The following GPD2 variants were observed in gnomAD, a reference collection of about 807,000 sequenced individuals.
GPD2 encodes the protein glycerol-3-phosphate dehydrogenase, mitochondrial.
A neutral mutation model predicts 82.4 loss-of-function variants in GPD2; 54 were observed. The ratio of observed to expected loss-of-function variants is 0.66; its 90% CI spans 0.53 to 0.82. The LOEUF (loss-of-function observed/expected upper bound fraction) is 0.82, where lower values mean the gene tolerates loss of function less well. Ranked by LOEUF, GPD2 falls within the 40% of genes least tolerant of loss-of-function variation. The pLI, the probability that GPD2 is intolerant of heterozygous loss-of-function variation, is 0.00. For synonymous variants in GPD2, 288 were observed against 306.1 expected (o/e 0.94, Z 0.62); for missense variants, 748 against 896.2 (o/e 0.83, Z 2.11).
the GPD2 span, among the ~76,000 whole-genome samples, chr2:156,416,604 G>T: frequency 6.7e-6 from 1 of 148,676 alleles, no homozygotes. Flanking sequence ...CTCAAGCAAT[G>T]CTCCCACCTT....
At chr2:156,487,813 A>G (rs1684002552) in intron 2 of GPD2, among the ~76,000 whole-genome samples, 1 of 152,210 alleles carries the variant, frequency 6.6e-6, no homozygotes, top group Non-Finnish European at 1.5e-5. Context: ...TGTTTTAAAA[A>G]TATTTGAAAA....
upstream of GPD2, among the ~76,000 whole-genome samples, chr2:156,430,839 CTGGAAAGTACCCACATGG>C (rs1688308747): frequency 6.6e-6 from 1 of 152,212 alleles, no homozygotes; most frequent in South Asian, 2.1e-4. Context: ...AGACTCATCA[CTGGAAAGTACCCACATGG>C]TGGGAAAAGG....
At chr2:156,436,339 G>GCCCGCCCGGCGCTCGAGTTACA (rs1377965878), upstream of GPD2, 16 of 152,610 alleles carry the variant, frequency 1.0e-4, no homozygotes, top group Non-Finnish European at 2.3e-4. Flanking sequence ...CGGGGGCGCG[G>GCCCGCCCGGCGCTCGAGTTACA]CCCGCCCGGC....
intron 1 of GPD2, among the ~76,000 whole-genome samples, chr2:156,472,356 T>C (rs1683361014): frequency 6.6e-6 from 1 of 152,214 alleles, no homozygotes; most frequent in South Asian, 2.1e-4. Flanking sequence ...GGTCTTACTC[T>C]GTCACCCAGA....
chr2:156,440,472 A>G (rs1682129339), intron 1 of GPD2, among the ~76,000 whole-genome samples: 1 of 152,178 alleles, frequency 6.6e-6, no homozygotes, highest in South Asian at 2.1e-4. Context: ...TTGTGTCCTG[A>G]TGTGAATGTG....
chr2:156,488,218 G>A (rs1684017785), intron 2 of GPD2, among the ~76,000 whole-genome samples: 1 of 151,720 alleles, frequency 6.6e-6, no homozygotes, highest in African/African-American at 2.4e-5. Flanking sequence ...GTAAGTGCAG[G>A]AAAAAAAATG....
intron 9 of GPD2, among the ~76,000 whole-genome samples, chr2:156,567,321 A>G (rs1687428745): frequency 6.6e-6 from 1 of 151,988 alleles, no homozygotes; most frequent in Non-Finnish European, 1.5e-5. Context: ...TCTGAGTTTT[A>G]TAGTTTTAGC....
intron 13 of GPD2, among the ~76,000 whole-genome samples, chr2:156,577,064 T>C (rs1687847166): frequency 6.6e-6 from 1 of 152,214 alleles, no homozygotes; most frequent in South Asian, 2.1e-4. Flanking sequence ...AAATTTACTT[T>C]TTTAAGCTCA....
rs141376915 is a variant in GPD2, at chr2:156,585,725, G to A, written c.*2807G>A. ...ATATACTGTAGGAGTCATCATTGAT[G>A]TTATTTTTCTCTTATGTATCTGTAA... is the stretch of plus-strand genomic sequence containing the variant. On this transcript the variant is annotated 3_prime_UTR_variant, in exon 17 of 17. Coordinates refer to ENST00000438166, the MANE Select transcript of GPD2 (RefSeq NM_000408.5). The A allele has an allele frequency of 0.013, 2,048 of 152,462 alleles. 57 individuals carry two copies. The highest frequency in any genetic ancestry group is 0.068 in the Admixed American group (1,028 of 15,228). 9.4% of individuals were successfully genotyped at this position (152,462 alleles called of 1,614,324 possible).
At chr2:156,411,275 T>C in the GPD2 span, among the ~76,000 whole-genome samples, 3 of 152,196 alleles carry the variant, frequency 2.0e-5, no homozygotes, top group African/African-American at 7.2e-5. Flanking sequence ...ACTTCATTTG[T>C]ATAACTTTCC....
At chr2:156,417,778 G>C in the GPD2 span, among the ~76,000 whole-genome samples, 1 of 152,112 alleles carries the variant, frequency 6.6e-6, no homozygotes, top group Non-Finnish European at 1.5e-5. Context: ...AGCTACTTGG[G>C]AGGCTGAGGT....
intron 2 of GPD2, among the ~76,000 whole-genome samples, chr2:156,487,279 T>A (rs1683981402): frequency 6.6e-6 from 1 of 151,914 alleles, no homozygotes; most frequent in Non-Finnish European, 1.5e-5. Context: ...GCCACTGCAC[T>A]CCAGCCTGGG....
At chr2:156,553,372 A>G (rs1375179921) in intron 8 of GPD2, among the ~76,000 whole-genome samples, 1 of 152,086 alleles carries the variant, frequency 6.6e-6, no homozygotes, top group Non-Finnish European at 1.5e-5. Context: ...TTATATTGAG[A>G]TTGTTCCTTT....
intron 6 of GPD2, among the ~76,000 whole-genome samples, chr2:156,538,672 T>A (rs1686176422): frequency 1.3e-5 from 2 of 151,548 alleles, no homozygotes; most frequent in African/African-American, 2.4e-5. Context: ...TACAAAAAAA[T>A]TAGCTGGGCA....
chr2:156,554,755 C>T (rs753787325), intron 8 of GPD2, among the ~76,000 whole-genome samples: 4 of 152,162 alleles, frequency 2.6e-5, no homozygotes, highest in Non-Finnish European at 4.4e-5. Context: ...TCTGTTTAGC[C>T]TACTGGTGCT....
chr2:156,518,274 C>T (rs960916034), intron 6 of GPD2, among the ~76,000 whole-genome samples: 45 of 152,182 alleles, frequency 3.0e-4, no homozygotes, highest in African/African-American at 1.1e-3. Flanking sequence ...GCTATAATCC[C>T]TGGCTCCTGG....
At position 156,569,441 on chromosome 2, in the gene GPD2, G is replaced by A; in HGVS notation, c.1379G>A (p.Gly460Glu). ...GTCAAAACTCATAATTTAAAAGCAG[G>A]ACCAAGTAGAACAGTTGGGCTTTTC... is the stretch of plus-strand genomic sequence containing the variant. ...AAVKTHNLKAGPSRTVGLFLQ... is the reference protein window; with the variant it reads ...AAVKTHNLKAEPSRTVGLFLQ... Residue 460 changes from glycine (G) to glutamate (E), a missense_variant, in exon 11 of 17, where the codon GGA (glycine) becomes GAA (glutamate). Gly to Glu is a moderately conservative substitution (Grantham distance 98). Transcript: ENST00000438166. 6.2e-7 allele frequency: 1 copy of A among 1,610,530 alleles called. No homozygotes were observed. The highest frequency in any genetic ancestry group is 8.5e-7 in the Non-Finnish European group (1 of 1,176,940).
chr2:156,508,898 A>T (rs1447642542), intron 3 of GPD2, among the ~76,000 whole-genome samples: 1 of 152,106 alleles, frequency 6.6e-6, no homozygotes, highest in African/African-American at 2.4e-5. Flanking sequence ...AGTCTTCTGG[A>T]TTTTCAAACT....
intron 6 of GPD2, among the ~76,000 whole-genome samples, chr2:156,535,246 T>A (rs1686019294): frequency 6.7e-6 from 1 of 150,012 alleles, no homozygotes; most frequent in Non-Finnish European, 1.5e-5. Flanking sequence ...TTAGATGAGA[T>A]TTTATGCTGA....
Sources: allele counts gnomAD v4.1 joint callset (sites outside exome capture counted in the v4.1 genomes callset), GRCh38; gene constraint gnomAD v4.1.1; transcripts MANE v1.5; gene names NCBI Gene and HGNC (gene_info 2026-07-23, HGNC 2026-07-21).